PTPRG: variants seen among roughly 807,000 people sequenced by gnomAD.
PTPRG encodes receptor-type tyrosine-protein phosphatase gamma.
PTPRG carries 102 observed loss-of-function variants against 165.3 expected under a neutral mutation model. The observed-to-expected ratio is 0.62, with a 90% CI of 0.53 to 0.73. The LOEUF is 0.73. PTPRG is among the 30% of genes least tolerant of loss of function. The pLI, the probability that PTPRG is intolerant of heterozygous loss-of-function variation, is 0.00. For missense variants in PTPRG, 1,866 were observed against 1,861.4 expected (o/e 1.00, Z -0.05); for synonymous variants, 675 against 669.5 (o/e 1.01, Z -0.13).
intron 5 of PTPRG, chr3:62,124,356 T>C: frequency 2.5e-6 from 4 of 1,612,958 alleles, no homozygotes; most frequent in Non-Finnish European, 3.4e-6. Flanking sequence ...AGGCTGACAA[T>C]AGTGGGATGC....
At chr3:61,753,927 C>G (rs952852212) in intron 2 of PTPRG, among the ~76,000 whole-genome samples, 4 of 152,098 alleles carry the variant, frequency 2.6e-5, no homozygotes, top group African/African-American at 9.7e-5. Flanking sequence ...GTTATTTTCT[C>G]TCTTGCCACT....
intron 1 of PTPRG, among the ~76,000 whole-genome samples, chr3:61,670,955 G>A (rs1337936137): frequency 6.6e-6 from 1 of 152,084 alleles, no homozygotes; most frequent in African/African-American, 2.4e-5. Context: ...GAGCGATCAG[G>A]TTAGGTGAGG....
At chr3:61,711,050 C>G (rs2031525839) in intron 1 of PTPRG, among the ~76,000 whole-genome samples, 1 of 152,060 alleles carries the variant, frequency 6.6e-6, no homozygotes, top group South Asian at 2.1e-4. Context: ...TGTTAGTTTG[C>G]TGAGAATGAT....
intron 4 of PTPRG, among the ~76,000 whole-genome samples, chr3:62,056,921 GT>G (rs1168772606): frequency 1.3e-5 from 2 of 152,202 alleles, no homozygotes; most frequent in African/African-American, 4.8e-5. Flanking sequence ...CGAGAAGGAG[GT>G]CCACAGATGG....
In PTPRG at chr3:61,718,856, C is replaced by G. The variant is rs1010107701; in HGVS notation, c.86-30022C>G. On this transcript the variant is annotated intron_variant, in intron 1 of 29. Coordinates refer to ENST00000474889, the MANE Select transcript of PTPRG (RefSeq NM_002841.4). ...GAAGCATGAAGTTCAATGCTATTGA[C>G]TTCCCAGGAGTCATTGAATTGCCAC... Among the ~76,000 whole-genome samples, 19 of 152,316 alleles carry G rather than the reference C, an allele frequency of 1.2e-4. 2 individuals are homozygous for G. The highest frequency in any genetic ancestry group is 1.2e-3 in the Admixed American group (19 of 15,306).
intron 28 of PTPRG, among the ~76,000 whole-genome samples, chr3:62,284,995 T>A (rs893031008): frequency 2.0e-5 from 3 of 152,094 alleles, no homozygotes; most frequent in African/African-American, 7.2e-5. Flanking sequence ...TCTCTGAGAC[T>A]CTAATTCATC....
At chr3:61,855,029 A>C (rs2037061454) in intron 2 of PTPRG, among the ~76,000 whole-genome samples, 1 of 152,054 alleles carries the variant, frequency 6.6e-6, no homozygotes, top group East Asian at 1.9e-4. Context: ...GCTGTGATTT[A>C]ATTTCTTCTT....
At chr3:62,102,346 C>T (rs554876156) in intron 5 of PTPRG, among the ~76,000 whole-genome samples, 83 of 152,294 alleles carry the variant, frequency 5.4e-4, no homozygotes, top group African/African-American at 1.8e-3. Context: ...GCAATCTTGG[C>T]TCACTGCAAC....
intron 2 of PTPRG, among the ~76,000 whole-genome samples, chr3:61,916,400 T>C (rs1323629145): frequency 3.9e-5 from 6 of 152,200 alleles, no homozygotes; most frequent in Non-Finnish European, 8.8e-5. Context: ...TCGTGTTAGA[T>C]GGCACCAAAG....
At chr3:61,715,597 A>G (rs1436016392) in intron 1 of PTPRG, among the ~76,000 whole-genome samples, 2 of 152,108 alleles carry the variant, frequency 1.3e-5, no homozygotes, top group Admixed American at 1.3e-4. Flanking sequence ...GGGTGGAGGA[A>G]GGCCCTGGGT....
chr3:61,787,758 T>C (rs551836015), intron 2 of PTPRG, among the ~76,000 whole-genome samples: 6 of 152,314 alleles, frequency 3.9e-5, no homozygotes, highest in African/African-American at 1.4e-4. Context: ...AAAAGGCCGA[T>C]TTATTGACTT....
chr3:61,644,143 T>C (rs1185874818), intron 1 of PTPRG, among the ~76,000 whole-genome samples: 1 of 152,232 alleles, frequency 6.6e-6, no homozygotes, highest in Non-Finnish European at 1.5e-5. Context: ...CTTGGAGTGA[T>C]AAAGAAGTGT....
At chr3:61,567,258 G>A (rs564561524) in intron 1 of PTPRG, among the ~76,000 whole-genome samples, 3 of 152,178 alleles carry the variant, frequency 2.0e-5, no homozygotes, top group African/African-American at 7.2e-5. Flanking sequence ...AGCCACTGAC[G>A]AGGTAGAGGG....
intron 1 of PTPRG, among the ~76,000 whole-genome samples, chr3:61,632,140 A>G (rs891780340): frequency 2.0e-5 from 3 of 152,154 alleles, no homozygotes; most frequent in African/African-American, 7.2e-5. Flanking sequence ...CCTCATCTGT[A>G]CAAAAAATAC....
intron 4 of PTPRG, among the ~76,000 whole-genome samples, chr3:62,029,122 T>G (rs1699679503): frequency 1.3e-5 from 2 of 152,182 alleles, no homozygotes; most frequent in African/African-American, 4.8e-5. Flanking sequence ...TGTGAGTGTC[T>G]TCTCTCACAC....
Position 62,203,192 on chromosome 3 carries a change from C to T in PTPRG, c.1397C>T (p.Ser466Phe). Residue 466 changes from serine to phenylalanine, a missense_variant, in exon 12 of 30, where the codon TCT (serine) becomes TTT (phenylalanine). Around this residue, in one of 3 missense-constraint regions of PTPRG, gnomAD observed 1,452 missense variants for 1,463.0 expected, o/e 0.99. Coordinates refer to ENST00000474889, the MANE Select transcript of PTPRG (RefSeq NM_002841.4). The surrounding 1 kb of genome is among the most constrained non-coding windows in gnomAD (Gnocchi z 6.4). ...KTGVPTASPA[S>F]SADMAPISSG... is the part of the protein sequence containing the mutation. The stretch of plus-strand genomic sequence containing the variant: ...TTCCAGCCCACAGCGTCTCCTGCCT[C>T]TTCAGCCGACATGGCCCCCATCAGC... 6.3e-7 allele frequency: 1 copy of T among 1,597,966 alleles called. No homozygotes were observed. Among genetic ancestry groups the T allele is most frequent in the Non-Finnish European group, 8.6e-7 (1 of 1,169,360 alleles).
rs1317086230 is a variant in PTPRG, at chr3:62,203,371, A to T, written c.1576A>T (p.Ile526Phe). 1 of 1,612,796 alleles carries T rather than the reference A, an allele frequency of 6.2e-7. No homozygotes were observed. The highest frequency in any genetic ancestry group is 1.7e-5 in the Admixed American group (1 of 59,940). ...CGGCCTGGGGTTCGGCGGTGGTGGC[A>T]TCTCCTCTTTCCCCAGCACTGTGTG... is the stretch of plus-strand genomic sequence containing the variant. ...LAGLGFGGGG[I>F]SSFPSTVWPT... Residue 526 changes from isoleucine (I) to phenylalanine (F), a missense_variant, in exon 12 of 30, where the codon ATC becomes TTC. This residue lies in a region of PTPRG where 1,452 missense variants were observed against 1,463.0 expected (regional missense o/e 0.99). Coordinates refer to ENST00000474889, the MANE Select transcript of PTPRG (RefSeq NM_002841.4). This position sits in a 1 kb window ranked among gnomAD's most constrained non-coding sequence, Gnocchi z 6.4.
chr3:61,986,306 A>G (rs973288056), intron 2 of PTPRG, among the ~76,000 whole-genome samples: 1 of 152,182 alleles, frequency 6.6e-6, no homozygotes, highest in Non-Finnish European at 1.5e-5. Flanking sequence ...AGAAGGAACC[A>G]GTTCTCAGAG....
intron 5 of PTPRG, among the ~76,000 whole-genome samples, chr3:62,107,817 A>C (rs1702525457): frequency 8.2e-6 from 1 of 121,750 alleles, no homozygotes; most frequent in African/African-American, 2.9e-5. Flanking sequence ...CTAACTACTT[A>C]CTAAATTCCC....
Sources: gnomAD v4.1 joint callset for allele counts (sites outside exome capture counted in the v4.1 genomes callset) on GRCh38, gnomAD v4.1.1 for gene constraint, gnomAD v4.1.1 regional missense constraint, Gnocchi (gnomAD v3.1) non-coding constraint, MANE v1.5 for transcripts, NCBI Gene and HGNC (gene_info 2026-07-23, HGNC 2026-07-21) for gene names.